Variants in NRG3 observed in about 807,000 individuals in gnomAD.
NRG3 encodes pro-neuregulin-3, membrane-bound isoform.
NRG3 carries 31 observed loss-of-function variants against 66.9 expected under a neutral mutation model. The ratio of observed to expected loss-of-function variants is 0.46; its 90% CI spans 0.35 to 0.63. NRG3 has a LOEUF of 0.63. Ranked by LOEUF, NRG3 falls within the 20% of genes least tolerant of loss-of-function variation. NRG3 has a pLI of 0.00. For missense variants in NRG3, 910 were observed against 878.9 expected (o/e 1.04, Z -0.45); for synonymous variants, 393 against 359.4 (o/e 1.09, Z -1.06).
intron 2 of NRG3, among the ~76,000 whole-genome samples, chr10:82,419,115 TTAAAC>T (rs1386717379): frequency 1.1e-4 from 17 of 152,196 alleles, no homozygotes; most frequent in Non-Finnish European, 2.1e-4. Context: ...GCATTACATC[TTAAAC>T]TAGACAAGTT....
At chr10:82,546,679 T>C (rs1402232074) in intron 2 of NRG3, among the ~76,000 whole-genome samples, 2 of 152,176 alleles carry the variant, frequency 1.3e-5, no homozygotes, top group Non-Finnish European at 2.9e-5. Flanking sequence ...ACTTATAAAA[T>C]TAGTCTCCAC....
chr10:82,639,592 T>C (rs1357713174), intron 2 of NRG3, among the ~76,000 whole-genome samples: 1 of 152,178 alleles, frequency 6.6e-6, no homozygotes, highest in Non-Finnish European at 1.5e-5. Context: ...TCTTTTCTAA[T>C]TTTCATTGAA....
chr10:82,985,762 T>G lies in NRG3; in HGVS notation c.*157T>G. ...ATCATAGTGTTTTTTAACAAAATATTTTTTTAAGGGAAAGAAATGTTTCAG... is the reference window on the plus strand; with the variant it reads ...ATCATAGTGTTTTTTAACAAAATATGTTTTTAAGGGAAAGAAATGTTTCAG... On this transcript the variant is annotated 3_prime_UTR_variant, in exon 9 of 9. Transcript: ENST00000372141. 3.8e-6 allele frequency: 3 copies of G among 791,744 alleles called. No homozygotes were observed. Among genetic ancestry groups the G allele is most frequent in the Non-Finnish European group, 5.9e-6 (3 of 511,632 alleles). The allele number at this position is 791,744 out of a possible 1,614,324, so 49.0% of individuals were successfully genotyped here.
intron 1 of NRG3, among the ~76,000 whole-genome samples, chr10:82,349,532 T>G (rs2083269880): frequency 6.6e-6 from 1 of 152,014 alleles, no homozygotes; most frequent in African/African-American, 2.4e-5. Context: ...GTCTGTGCCC[T>G]GCCCTCAGAG....
chr10:82,649,831 T>A (rs2051267236), intron 2 of NRG3, among the ~76,000 whole-genome samples: 1 of 152,094 alleles, frequency 6.6e-6, no homozygotes, highest in Non-Finnish European at 1.5e-5. Context: ...TAAAGTTAAG[T>A]CTCTTAGTGG....
intron 2 of NRG3, among the ~76,000 whole-genome samples, chr10:82,672,830 A>C (rs1280074181): frequency 6.6e-6 from 1 of 152,138 alleles, no homozygotes. Flanking sequence ...GCTTACTGCA[A>C]CTTTCGCCTC....
chr10:82,380,813 A>T (rs1255863498), intron 2 of NRG3, among the ~76,000 whole-genome samples: 4 of 152,156 alleles, frequency 2.6e-5, no homozygotes, highest in African/African-American at 9.6e-5. Flanking sequence ...TCCCAGAGAA[A>T]TTCTTAATAT....
At chr10:82,140,541 T>C (rs1016986198) in intron 1 of NRG3, among the ~76,000 whole-genome samples, 1 of 152,104 alleles carries the variant, frequency 6.6e-6, no homozygotes, top group African/African-American at 2.4e-5. Context: ...AAGACCTGAA[T>C]AATTTATGAC....
At chr10:82,815,044 G>T (rs972491227) in intron 3 of NRG3, among the ~76,000 whole-genome samples, 1 of 152,180 alleles carries the variant, frequency 6.6e-6, no homozygotes, top group African/African-American at 2.4e-5. Flanking sequence ...CATGATTGTT[G>T]CTCTGAGAGT....
At chr10:82,816,034 G>A (rs919869671) in intron 3 of NRG3, among the ~76,000 whole-genome samples, 4 of 152,218 alleles carry the variant, frequency 2.6e-5, no homozygotes, top group Non-Finnish European at 5.9e-5. Flanking sequence ...AGAGGAACAT[G>A]GTGTTGCCCA....
chr10:82,786,850 G>T (rs1259360792), intron 3 of NRG3, among the ~76,000 whole-genome samples: 1 of 152,084 alleles, frequency 6.6e-6, no homozygotes, highest in Non-Finnish European at 1.5e-5. Context: ...AGTTGTCATG[G>T]GAATGGGTTT....
chr10:82,491,316 A>ATAT (rs1389375279), intron 2 of NRG3, among the ~76,000 whole-genome samples: 25 of 136,662 alleles, frequency 1.8e-4, no homozygotes, highest in East Asian at 4.1e-4. Context: ...ATATATATAT[A>ATAT]AAATAAAGAT....
chr10:82,940,829 C>G (rs913624031), intron 4 of NRG3, among the ~76,000 whole-genome samples: 1 of 152,068 alleles, frequency 6.6e-6, no homozygotes, highest in African/African-American at 2.4e-5. Flanking sequence ...CCCAAAAGCC[C>G]CACCTCTTAA....
intron 1 of NRG3, among the ~76,000 whole-genome samples, chr10:82,191,839 T>C (rs1564648231): frequency 6.6e-6 from 1 of 152,172 alleles, no homozygotes; most frequent in South Asian, 2.1e-4. Context: ...CTAAGAAGGA[T>C]TGATTTGTGC....
intron 4 of NRG3, among the ~76,000 whole-genome samples, chr10:82,879,698 G>A (rs1409698325): frequency 6.6e-6 from 1 of 151,870 alleles, no homozygotes; most frequent in Non-Finnish European, 1.5e-5. Flanking sequence ...GGATGGTCTC[G>A]ATCTCCTGAC....
intron 2 of NRG3, among the ~76,000 whole-genome samples, chr10:82,489,705 T>C (rs1162747299): frequency 1.3e-5 from 2 of 152,230 alleles, no homozygotes; most frequent in African/African-American, 4.8e-5. Context: ...TGACATTTAT[T>C]TCACACTTGA....
At chr10:82,037,069 G>T (rs1263661037) in intron 1 of NRG3, among the ~76,000 whole-genome samples, 1 of 152,112 alleles carries the variant, frequency 6.6e-6, no homozygotes, top group Non-Finnish European at 1.5e-5. Flanking sequence ...TGAATTCCAA[G>T]ATGACAGTGC....
chr10:82,681,236 C>T (rs2054091164), intron 2 of NRG3, among the ~76,000 whole-genome samples: 1 of 152,194 alleles, frequency 6.6e-6, no homozygotes, highest in Non-Finnish European at 1.5e-5. Context: ...ACCACTGCCA[C>T]TGTTGACTGA....
chr10:82,542,204 G>A (rs562221043), intron 2 of NRG3, among the ~76,000 whole-genome samples: 1 of 152,258 alleles, frequency 6.6e-6, no homozygotes, highest in South Asian at 2.1e-4. Flanking sequence ...TTAGTTTGCT[G>A]AGGATGATGG....
Sources: gnomAD v4.1 joint callset for allele counts (sites outside exome capture counted in the v4.1 genomes callset) on GRCh38, gnomAD v4.1.1 for gene constraint, MANE v1.5 for transcripts, NCBI Gene and HGNC (gene_info 2026-07-23, HGNC 2026-07-21) for gene names.